Variants in GNAQ observed in about 807,000 individuals in gnomAD.
GNAQ encodes the protein guanine nucleotide-binding protein G(q) subunit alpha.
GNAQ carries 8 observed loss-of-function variants against 43.9 expected under a neutral mutation model. The observed-to-expected ratio is 0.18, with a 90% CI of 0.11 to 0.33. The LOEUF (loss-of-function observed/expected upper bound fraction) is 0.33. Ranked by LOEUF, GNAQ falls within the 10% of genes least tolerant of loss-of-function variation. The pLI is 1.00. For missense variants in GNAQ, 158 were observed against 450.8 expected, an observed-to-expected ratio of 0.35 and a Z score of 5.88; for synonymous variants, 155 against 170.7, an observed-to-expected ratio of 0.91 and a Z score of 0.71.
intron 1 of GNAQ, among the ~76,000 whole-genome samples, chr9:77,941,839 G>C (rs1034407608): frequency 6.6e-6 from 1 of 151,904 alleles, no homozygotes; most frequent in Non-Finnish European, 1.5e-5. Flanking sequence ...AATGGAAAGA[G>C]TGGACTGCAA....
At chr9:77,943,819 A>G (rs1199106531) in intron 1 of GNAQ, among the ~76,000 whole-genome samples, 1 of 151,804 alleles carries the variant, frequency 6.6e-6, no homozygotes, top group South Asian at 2.1e-4. Context: ...GGTACACAAC[A>G]CCACGCCTGG....
intron 1 of GNAQ, among the ~76,000 whole-genome samples, chr9:77,988,057 A>G (rs1823463936): frequency 6.6e-6 from 1 of 152,356 alleles, no homozygotes; most frequent in South Asian, 2.1e-4. Flanking sequence ...TTGGACCTCA[A>G]GGTCAAAGTC....
chr9:77,954,119 C>A (rs181427229), intron 1 of GNAQ, among the ~76,000 whole-genome samples: 1 of 152,258 alleles, frequency 6.6e-6, no homozygotes, highest in East Asian at 1.9e-4. Flanking sequence ...CCTGAAAAGT[C>A]CAATTTCACC....
intron 1 of GNAQ, among the ~76,000 whole-genome samples, chr9:78,017,359 C>T (rs537942786): frequency 5.3e-5 from 8 of 152,158 alleles, no homozygotes; most frequent in South Asian, 2.1e-4. Context: ...TCAAAATGCA[C>T]GGAGGAAACA....
Position 77,719,500 on chromosome 9 carries a change from T to C in GNAQ, c.*1823A>G, listed in dbSNP as rs536617236. 13 of 232,742 alleles carry C rather than the reference T, an allele frequency of 5.6e-5. No individual in the cohort carries two copies. Among genetic ancestry groups the C allele is most frequent in the African/African-American group, 2.9e-4 (13 of 45,426 alleles). The allele number at this position is 232,742 out of a possible 1,614,324, so 14.4% of individuals were successfully genotyped here. ...CAAGGATGAGAACATCTCATTACTGTTGGGCGGCTTTGGTACTCATTTAAC... is the reference window on the plus strand; with the variant it reads ...CAAGGATGAGAACATCTCATTACTGCTGGGCGGCTTTGGTACTCATTTAAC... On this transcript the variant is annotated 3_prime_UTR_variant, in exon 7 of 7. Coordinates refer to ENST00000286548, the MANE Select transcript of GNAQ (RefSeq NM_002072.5).
intron 1 of GNAQ, among the ~76,000 whole-genome samples, chr9:78,022,125 T>C (rs1823918606): frequency 6.6e-6 from 1 of 152,156 alleles, no homozygotes; most frequent in Admixed American, 6.5e-5. Context: ...CTCAGAGTTA[T>C]TACAGAGGTC....
chr9:77,852,652 G>A (rs928354666), intron 2 of GNAQ, among the ~76,000 whole-genome samples: 1 of 152,180 alleles, frequency 6.6e-6, no homozygotes, highest in African/African-American at 2.4e-5. Context: ...TGCTAACTTT[G>A]GGACTACGTG....
intron 1 of GNAQ, among the ~76,000 whole-genome samples, chr9:77,930,799 T>A (rs1304500765): frequency 6.6e-6 from 1 of 151,998 alleles, no homozygotes; most frequent in Non-Finnish European, 1.5e-5. Context: ...ATATGAAGCA[T>A]ATTAAGTGTC....
chr9:77,776,105 T>C (rs891755975), intron 5 of GNAQ, among the ~76,000 whole-genome samples: 1 of 152,214 alleles, frequency 6.6e-6, no homozygotes, highest in African/African-American at 2.4e-5. Context: ...ATAACATTTA[T>C]TCAAGAAAAA....
intron 5 of GNAQ, among the ~76,000 whole-genome samples, chr9:77,770,450 T>TA (rs1826206166): frequency 6.6e-6 from 1 of 152,090 alleles, no homozygotes; most frequent in Admixed American, 6.5e-5. Context: ...CCTGCCAGAA[T>TA]AAAAAACAAC....
chr9:77,939,420 T>G (rs748109591), intron 1 of GNAQ, among the ~76,000 whole-genome samples: 1 of 152,222 alleles, frequency 6.6e-6, no homozygotes, highest in East Asian at 1.9e-4. Flanking sequence ...AGTCACCTTA[T>G]TGAAAACTCA....
At chr9:78,010,243 A>C (rs1033714140) in intron 1 of GNAQ, among the ~76,000 whole-genome samples, 1 of 152,222 alleles carries the variant, frequency 6.6e-6, no homozygotes, top group African/African-American at 2.4e-5. Flanking sequence ...AAAGGAAGAA[A>C]GCCATCCCCA....
In GNAQ at chr9:77,737,120, G is replaced by C. The variant is rs953742489; in HGVS notation, c.736-8453C>G. 3.0e-4 allele frequency among the ~76,000 whole-genome samples: 45 copies of C among 152,292 alleles called. 1 individual carries two copies. The highest frequency in any genetic ancestry group is 1.1e-3 in the African/African-American group (45 of 41,556). On this transcript the variant is annotated intron_variant, in intron 5 of 6. Coordinates refer to ENST00000286548, the MANE Select transcript of GNAQ (RefSeq NM_002072.5). ...TAACGGTTTGTGTATTCATGACACT[G>C]ACTTTTCAATTCACTGAACTTTCCT...
chr9:77,938,168 T>G (rs1397357333), intron 1 of GNAQ, among the ~76,000 whole-genome samples: 1 of 152,198 alleles, frequency 6.6e-6, no homozygotes, highest in Non-Finnish European at 1.5e-5. Context: ...GTAAATGCTA[T>G]GTTAATAGTT....
At chr9:77,764,632 T>C (rs912104278) in intron 5 of GNAQ, among the ~76,000 whole-genome samples, 1 of 152,058 alleles carries the variant, frequency 6.6e-6, no homozygotes, top group Admixed American at 6.6e-5. Flanking sequence ...ATTTTTTGTA[T>C]TTTTAGTAGA....
intron 1 of GNAQ, among the ~76,000 whole-genome samples, chr9:78,009,443 A>G (rs1823747664): frequency 6.6e-6 from 1 of 152,170 alleles, no homozygotes; most frequent in Non-Finnish European, 1.5e-5. Context: ...TGATTTCTCT[A>G]TTCCCTTTTA....
chr9:77,986,174 G>A (rs1314694827), intron 1 of GNAQ, among the ~76,000 whole-genome samples: 1 of 152,028 alleles, frequency 6.6e-6, no homozygotes, highest in Non-Finnish European at 1.5e-5. Flanking sequence ...CATAGCTGCT[G>A]CAAGATATCT....
At chr9:77,764,216 G>T (rs1826097951) in intron 5 of GNAQ, among the ~76,000 whole-genome samples, 1 of 152,118 alleles carries the variant, frequency 6.6e-6, no homozygotes, top group Admixed American at 6.5e-5. Context: ...ATGATACTAT[G>T]AAACTCAGGG....
At chr9:77,894,711 G>T (rs1828472264) in intron 2 of GNAQ, among the ~76,000 whole-genome samples, 2 of 151,498 alleles carry the variant, frequency 1.3e-5, no homozygotes, top group South Asian at 4.2e-4. Context: ...GTGAGCCACT[G>T]CCCCAGCCTT....
Sources: gnomAD v4.1 joint callset for allele counts (sites outside exome capture counted in the v4.1 genomes callset) on GRCh38, gnomAD v4.1.1 for gene constraint, MANE v1.5 for transcripts, NCBI Gene and HGNC (gene_info 2026-07-23, HGNC 2026-07-21) for gene names.